Variants in PTPRA observed in about 807,000 individuals in gnomAD.
PTPRA encodes receptor-type tyrosine-protein phosphatase alpha.
Under a neutral mutation model 104.8 loss-of-function variants are expected in PTPRA, and 25 were observed. The ratio of observed to expected loss-of-function variants is 0.24; its 90% confidence interval spans 0.17 to 0.33. The LOEUF (loss-of-function observed/expected upper bound fraction) is 0.33. Among genes scored for constraint, PTPRA ranks in the 10% least tolerant of loss-of-function variants. The pLI is 1.00. For synonymous variants in PTPRA, 323 were observed against 368.9 expected, an observed-to-expected ratio of 0.88 and a Z score of 1.43; for missense variants, 765 against 1,015.3, an observed-to-expected ratio of 0.75 and a Z score of 3.35.
intron 1 of PTPRA, among the ~76,000 whole-genome samples, chr20:2,877,735 C>T (rs1036685914): frequency 2.0e-5 from 3 of 152,186 alleles, no homozygotes; most frequent in Non-Finnish European, 4.4e-5. Flanking sequence ...TCTAAATTCA[C>T]ATCCATTTGT....
intron 1 of PTPRA, among the ~76,000 whole-genome samples, chr20:2,902,601 G>C (rs2059280032): frequency 6.6e-6 from 1 of 152,178 alleles, no homozygotes; most frequent in South Asian, 2.1e-4. Flanking sequence ...GAGGAGGCTT[G>C]GGAACATTGT....
intron 17 of PTPRA, among the ~76,000 whole-genome samples, chr20:3,025,280 C>T (rs370097174): frequency 1.3e-5 from 2 of 151,952 alleles, no homozygotes; most frequent in South Asian, 4.2e-4. Flanking sequence ...TGGTGAAACC[C>T]CGTCTCTACT....
chr20:3,025,597 C>T (rs1253744576), intron 17 of PTPRA, among the ~76,000 whole-genome samples: 2 of 151,874 alleles, frequency 1.3e-5, no homozygotes, highest in African/African-American at 2.4e-5. Flanking sequence ...CTGCCAGGCA[C>T]GGTGGCTAAT....
rs368843602 is a variant in PTPRA, at chr20:3,022,655, G to C, written c.1329-34G>C. 17 of 1,612,268 alleles carry C rather than the reference G, an allele frequency of 1.1e-5. No homozygotes were observed. In the African/African-American group the frequency reaches 2.3e-4, roughly 22 times the overall value. ...CTATCTGCTCCCACAAGGCAGGCTG[G>C]CCATCCCTATAACCCCCTGCTCTCT... On this transcript the variant is annotated intron_variant, in intron 15 of 23. Coordinates refer to ENST00000399903, the MANE Select transcript of PTPRA (RefSeq NM_001385305.1). The surrounding 1 kb of genome is among the most constrained non-coding windows in gnomAD (Gnocchi z 4.6).
intron 1 of PTPRA, among the ~76,000 whole-genome samples, chr20:2,912,535 G>C (rs553529633): frequency 2.6e-5 from 4 of 151,304 alleles, no homozygotes; most frequent in Admixed American, 6.6e-5. Flanking sequence ...GAGGCAGGAG[G>C]ATCACTTAAG....
intron 3 of PTPRA, among the ~76,000 whole-genome samples, chr20:2,951,287 A>G (rs2061345667): frequency 6.6e-6 from 1 of 152,026 alleles, no homozygotes; most frequent in Admixed American, 6.6e-5. Flanking sequence ...TTTTTAGTAG[A>G]GACGGGGTTT....
In PTPRA at chr20:3,002,722, C is replaced by T. The variant is rs374051475; in HGVS notation, c.739-2334C>T. ...GCTTCTCTTCTTGCTCCTCTCTAGT[C>T]CATTTTCCATACAATAACAAGTAAT... On this transcript the variant is annotated intron_variant, in intron 9 of 23. Coordinates refer to ENST00000399903, the MANE Select transcript of PTPRA (RefSeq NM_001385305.1). 5.3e-5 allele frequency among the ~76,000 whole-genome samples: 8 copies of T among 152,320 alleles called. 1 individual carries two copies. In the East Asian group the frequency reaches 1.2e-3, roughly 22 times the overall value.
At position 2,987,802 on chromosome 20, in the gene PTPRA, G is replaced by A. The variant is rs954964421; in HGVS notation, c.528-230G>A. 1.1e-5 allele frequency: 7 copies of A among 618,576 alleles called. No homozygotes were observed. In the African/African-American group the frequency reaches 1.3e-4, roughly 11 times the overall value. The allele number at this position is 618,576 out of a possible 1,614,324, so 38.3% of individuals were successfully genotyped here. A position where few individuals can be genotyped will look rare whatever the true frequency, so the allele number is the denominator to read the frequency against. ...GCCACATGAGCCTGAATATACTGTT[G>A]GGGTTCCCTGGTTGGATTCCAGTGT... is the stretch of plus-strand genomic sequence containing the variant. On this transcript the variant is annotated intron_variant, in intron 7 of 23. Coordinates refer to ENST00000399903, the MANE Select transcript of PTPRA (RefSeq NM_001385305.1).
intron 9 of PTPRA, among the ~76,000 whole-genome samples, chr20:3,001,318 C>T (rs981537771): frequency 1.3e-5 from 2 of 152,200 alleles, no homozygotes; most frequent in Non-Finnish European, 2.9e-5. Flanking sequence ...GCTCCTGTTT[C>T]TTCCTGACTC....
At chr20:2,964,442 G>GAAAGGAATATAA (rs1260544415) in intron 4 of PTPRA, 92 bp downstream of exon 4, 9 of 1,099,756 alleles carry the variant, frequency 8.2e-6, no homozygotes, top group African/African-American at 1.6e-5. Context: ...GGTATTTGAA[G>GAAAGGAATATAA]AAAGGAATAT....
intron 13 of PTPRA, 144 bp downstream of exon 13, chr20:3,018,057 A>G (rs1481995723): frequency 1.1e-5 from 8 of 702,724 alleles, no homozygotes; most frequent in African/African-American, 7.1e-5. Flanking sequence ...AGACTTTGCT[A>G]TGGCCTGGAA....
intron 13 of PTPRA, among the ~76,000 whole-genome samples, chr20:3,020,147 C>T (rs865982471): frequency 1.1e-4 from 16 of 152,284 alleles, no homozygotes; most frequent in Non-Finnish European, 2.1e-4. Flanking sequence ...CTCGCTCTGT[C>T]GCCCAGGCTG....
At chr20:3,027,584 G>C in intron 19 of PTPRA, 123 bp from the exon 20 acceptor site, 2 of 1,321,934 alleles carry the variant, frequency 1.5e-6, no homozygotes, top group South Asian at 2.9e-5. Flanking sequence ...TGGCCACAGG[G>C]GAGCTCTGCA....
intron 6 of PTPRA, 76 bp from the exon 7 acceptor site, chr20:2,986,689 G>A (rs886836458): frequency 1.6e-6 from 2 of 1,247,600 alleles, no homozygotes. Context: ...CCTCTTCAGG[G>A]TGTTGCCCTG....
At position 2,964,343 on chromosome 20, in the gene PTPRA, T is replaced by C; in HGVS notation, c.66T>C (p.Ala22=). 2 of 1,595,494 alleles carry C rather than the reference T, an allele frequency of 1.3e-6. No individual in the cohort carries two copies. The highest frequency in any genetic ancestry group is 1.7e-6 in the Non-Finnish European group (2 of 1,171,136). Residue 22 remains alanine, a synonymous_variant, in exon 4 of 24, where the codon GCT becomes GCC. Coordinates refer to ENST00000399903, the MANE Select transcript of PTPRA (RefSeq NM_001385305.1). The part of the protein sequence containing the change: ...SGLICVSANN[A]TTVAPSVGIT... ...TGATATGTGTCAGTGCCAACAATGCTACCACAGGTAAATTGTCATTTGATA... is the reference window on the plus strand; with the variant it reads ...TGATATGTGTCAGTGCCAACAATGCCACCACAGGTAAATTGTCATTTGATA...
intron 1 of PTPRA, among the ~76,000 whole-genome samples, chr20:2,891,360 A>G (rs1012812843): frequency 6.6e-6 from 1 of 152,190 alleles, no homozygotes; most frequent in Non-Finnish European, 1.5e-5. Context: ...GCAGGCCCTC[A>G]TGATCCAACT....
chr20:2,947,945 A>G (rs1284479824), intron 2 of PTPRA, 37 bp from the exon 3 acceptor site: 16 of 924,856 alleles, frequency 1.7e-5, no homozygotes, highest in Non-Finnish European at 2.4e-5. Context: ...TAACCTAGAT[A>G]CTCCTAATTA....
intron 1 of PTPRA, among the ~76,000 whole-genome samples, chr20:2,896,088 C>G (rs1482520866): frequency 6.6e-6 from 1 of 151,846 alleles, no homozygotes; most frequent in Non-Finnish European, 1.5e-5. Flanking sequence ...AGAATATGGT[C>G]TATAGGCTGG....
At chr20:2,985,884 CTTGT>C (rs71195807) in intron 6 of PTPRA, among the ~76,000 whole-genome samples, 52,852 of 148,500 alleles carry the variant, frequency 0.36, 10,904 homozygotes, top group African/African-American at 0.56. Context: ...CAGCTGTCTC[CTTGT>C]TTGTTTGTTT....
Sources: allele counts gnomAD v4.1 joint callset (sites outside exome capture counted in the v4.1 genomes callset), GRCh38; gene constraint gnomAD v4.1.1; non-coding constraint Gnocchi (gnomAD v3.1); transcripts MANE v1.5; gene names NCBI Gene and HGNC (gene_info 2026-07-23, HGNC 2026-07-21).